The following ZDHHC1 variants were observed in gnomAD, a reference collection of about 807,000 sequenced individuals.
The protein encoded by ZDHHC1 is palmitoyltransferase ZDHHC1.
ZDHHC1 carries 45 observed loss-of-function variants against 46.9 expected under a neutral mutation model. That is an observed-to-expected ratio of 0.96 (90% CI 0.76 to 1.23). ZDHHC1 has a LOEUF of 1.23. ZDHHC1 is among the 50% of genes most tolerant of loss of function. ZDHHC1 has a pLI of 0.00. For missense variants in ZDHHC1, 649 were observed against 670.8 expected (o/e 0.97, Z 0.36); for synonymous variants, 291 against 286.0 (o/e 1.02, Z -0.18).
At chr16:67,410,798 C>G (rs1405867985) in intron 1 of ZDHHC1, among the ~76,000 whole-genome samples, 1 of 151,806 alleles carries the variant, frequency 6.6e-6, no homozygotes, top group African/African-American at 2.4e-5. Flanking sequence ...CCCAAGTAGC[C>G]GGGATTACAG....
Position 67,398,905 on chromosome 16 carries a change from G to T in ZDHHC1, c.570C>A (p.Val190=). Residue 190 remains valine, a synonymous_variant, in exon 6 of 12, where the codon GTC becomes GTA. Transcript: ENST00000565726. The part of the protein sequence containing the change: ...LHSVASALLG[V]LLLVLVATYV... ...ATGTGGCCACCAGCACCAGGAGCAG[G>T]ACGCCCAGTAAAGCGGATGCAACAC... The T allele has an allele frequency of 6.2e-7, 1 of 1,613,496 alleles. No homozygotes were observed. Among genetic ancestry groups the T allele is most frequent in the Non-Finnish European group, 8.5e-7 (1 of 1,179,776 alleles).
In ZDHHC1 at chr16:67,399,377, A is replaced by G. The variant is rs747355210; in HGVS notation, c.508T>C (p.Cys170Arg). ...FDHHCKWLNN[C>R]VGERNYRLFL... ...CACCGGTAGTTCCGCTCGCCCACAC[A>G]GTTGTTGAGCCACTTGCAGTGGTGG... Residue 170 changes from cysteine to arginine, a missense_variant, in exon 5 of 12, where the codon TGT becomes CGT. By Grantham distance (180) the Cys-to-Arg change is radical. Coordinates refer to ENST00000565726, the MANE Select transcript of ZDHHC1 (RefSeq NM_001323627.2). 4 of 1,612,976 alleles carry G rather than the reference A, an allele frequency of 2.5e-6. No individual in the cohort carries two copies. Among genetic ancestry groups the G allele is most frequent in the Non-Finnish European group, 2.5e-6 (3 of 1,179,718 alleles).
chr16:67,394,561 G>A lies in ZDHHC1; in HGVS notation c.*49C>T. 1.8e-6 allele frequency: 2 copies of A among 1,130,952 alleles called. No individual in the cohort carries two copies. The highest frequency in any genetic ancestry group is 2.2e-6 in the Non-Finnish European group (2 of 924,256). The allele number at this position is 1,130,952 out of a possible 1,614,324, so 70.1% of individuals were successfully genotyped here. Reference sequence around the variant, plus strand: ...TGCGGCAAGGATGGGGTGTTGCATAGAGAGTCAGGCCGGCCGCTCTAACTC... The same window carrying A: ...TGCGGCAAGGATGGGGTGTTGCATAAAGAGTCAGGCCGGCCGCTCTAACTC... On this transcript the variant is annotated 3_prime_UTR_variant, in exon 12 of 12. Transcript: ENST00000565726.
At chr16:67,398,798 T>G (rs776668404) in intron 6 of ZDHHC1, 22 bp downstream of exon 6, 2 of 1,612,430 alleles carry the variant, frequency 1.2e-6, no homozygotes, top group Non-Finnish European at 1.7e-6. Context: ...GGGGTGAGAA[T>G]AGGCCCGGAG....
At position 67,395,267 on chromosome 16, in the gene ZDHHC1, G is replaced by A. The variant is rs763144166; in HGVS notation, c.1024C>T (p.Leu342Phe). The A allele has an allele frequency of 6.4e-6, 10 of 1,567,120 alleles. No individual in the cohort carries two copies. Among genetic ancestry groups the A allele is most frequent in the Non-Finnish European group, 6.1e-6 (7 of 1,155,226 alleles). Residue 342 changes from leucine to phenylalanine, a missense_variant, in exon 10 of 12, where the codon CTT becomes TTT. Leu to Phe is a conservative substitution (Grantham distance 22). Transcript: ENST00000565726. ...AAVNANPSQFLATRGQAEPPP... is the reference protein window; with the variant it reads ...AAVNANPSQFFATRGQAEPPP... ...GGTTCCGCTTGGCCACGGGTGGCAAGAAACTGGGAGGGACTGAGGGGGAAG... is the reference window on the plus strand; with the variant it reads ...GGTTCCGCTTGGCCACGGGTGGCAAAAAACTGGGAGGGACTGAGGGGGAAG...
intron 1 of ZDHHC1, among the ~76,000 whole-genome samples, chr16:67,409,008 T>G (rs536936240): frequency 6.6e-6 from 1 of 152,276 alleles, no homozygotes; most frequent in East Asian, 1.9e-4. Flanking sequence ...TGGCTCTCCT[T>G]TTGCCATCCC....
At chr16:67,407,838 C>T in intron 1 of ZDHHC1, 25 bp from the exon 2 acceptor site, 2 of 773,550 alleles carry the variant, frequency 2.6e-6, no homozygotes, top group Non-Finnish European at 2.4e-6. Flanking sequence ...AACGTGGGCA[C>T]AGTAAATGGT....
intron 3 of ZDHHC1, among the ~76,000 whole-genome samples, chr16:67,405,965 G>A (rs1041891227): frequency 1.3e-5 from 2 of 152,156 alleles, no homozygotes; most frequent in African/African-American, 4.8e-5. Flanking sequence ...ATCTTTGTGG[G>A]GCTTCATATG....
chr16:67,405,310 A>G (rs2040633003), intron 3 of ZDHHC1, among the ~76,000 whole-genome samples: 1 of 152,224 alleles, frequency 6.6e-6, no homozygotes, highest in African/African-American at 2.4e-5. Flanking sequence ...AGGAGGAGGC[A>G]AAGACCCACA....
intron 1 of ZDHHC1, among the ~76,000 whole-genome samples, chr16:67,411,826 A>C (rs1269824282): frequency 6.6e-6 from 1 of 152,250 alleles, no homozygotes; most frequent in Non-Finnish European, 1.5e-5. Context: ...AATGAAAACA[A>C]AGGGGGCCGG....
intron 1 of ZDHHC1, among the ~76,000 whole-genome samples, chr16:67,411,740 G>T (rs1436515759): frequency 1.3e-5 from 2 of 152,182 alleles, no homozygotes; most frequent in Non-Finnish European, 2.9e-5. Flanking sequence ...AGAAAAAAAA[G>T]GGATGAAGTA....
At position 67,406,879 on chromosome 16, in the gene ZDHHC1, C is replaced by T. The variant is rs373231277; in HGVS notation, c.10-437G>A. Among the ~76,000 whole-genome samples, 2 of 152,310 alleles carry T rather than the reference C, an allele frequency of 1.3e-5. No individual in the cohort carries two copies. Among genetic ancestry groups the T allele is most frequent in the South Asian group, 2.1e-4 (1 of 4,828 alleles). On this transcript the variant is annotated intron_variant, in intron 2 of 11. Coordinates refer to ENST00000565726, the MANE Select transcript of ZDHHC1 (RefSeq NM_001323627.2). The surrounding 1 kb of genome is among the most constrained non-coding windows in gnomAD (Gnocchi z 4.1). ...TCCAAATGCAAGTGTCAGACACCCC[C>T]GCTATCCTTTGCTCAGGGAAACGGG...
Position 67,401,151 on chromosome 16 carries a change from G to A in ZDHHC1, c.253-19C>T, listed in dbSNP as rs201468195. The A allele has an allele frequency of 1.2e-6, 2 of 1,612,036 alleles. No individual in the cohort carries two copies. The highest frequency in any genetic ancestry group is 1.7e-6 in the Non-Finnish European group (2 of 1,179,400). ...CCATGCACTGGCCCAGCAGGTTAAA[G>A]ACTCACTCCACTCTGCCGGCTGGGA... On this transcript the variant is annotated intron_variant, in intron 3 of 11. Coordinates refer to ENST00000565726, the MANE Select transcript of ZDHHC1 (RefSeq NM_001323627.2). The surrounding 1 kb of genome is among the most constrained non-coding windows in gnomAD (Gnocchi z 4.6).
chr16:67,398,296 G>A lies in ZDHHC1; in HGVS notation c.843C>T (p.Tyr281=), dbSNP rs1288134541. ...LMWHKLTTYE[Y]IVQHRPPQEA... Reference sequence around the variant, plus strand: ...CCTGTGGTGGGCGGTGCTGCACGATGTACTCATAGGTGGTGAGCTTGTGCC... The same window carrying A: ...CCTGTGGTGGGCGGTGCTGCACGATATACTCATAGGTGGTGAGCTTGTGCC... Residue 281 remains tyrosine, a synonymous_variant, in exon 8 of 12, where the codon TAC becomes TAT. Coordinates refer to ENST00000565726, the MANE Select transcript of ZDHHC1 (RefSeq NM_001323627.2). 6 of 1,613,968 alleles carry A rather than the reference G, an allele frequency of 3.7e-6. No individual in the cohort carries two copies. The highest frequency in any genetic ancestry group is 3.3e-5 in the South Asian group (3 of 91,054).
chr16:67,400,965 G>A lies in ZDHHC1; in HGVS notation c.420C>T (p.Asn140=), dbSNP rs34689150. 5,136 of 1,613,792 alleles carry A rather than the reference G, an allele frequency of 3.2e-3. 14 individuals carry two copies. Among genetic ancestry groups the A allele is most frequent in the Non-Finnish European group, 3.9e-3 (4,639 of 1,179,922 alleles). The change falls in exon 4 of 12, where the codon AAC becomes AAT. Residue 140 remains asparagine (N), a synonymous_variant. Transcript: ENST00000565726. ...VIEDLHCNLC[N]VDVSARSKHC... ...CACCCACACACACTCACACATCCAC[G>A]TTGCACAAGTTGCAGTGCAGGTCTT...
Position 67,398,790 on chromosome 16 carries a change from G to A in ZDHHC1, c.655+30C>T, listed in dbSNP as rs573857179. 3.3e-5 allele frequency: 53 copies of A among 1,612,398 alleles called. No individual in the cohort carries two copies. The South Asian group carries it at 4.9e-4, about 15-fold the overall frequency. ...GACGTGACGGGTGACCAGGGTTGGG[G>A]GTGAGAATAGGCCCGGAGCCTAAAC... is the stretch of plus-strand genomic sequence containing the variant. On this transcript the variant is annotated intron_variant, in intron 6 of 11. Coordinates refer to ENST00000565726, the MANE Select transcript of ZDHHC1 (RefSeq NM_001323627.2).
chr16:67,400,128 G>T (rs2040522567), intron 4 of ZDHHC1, among the ~76,000 whole-genome samples: 1 of 152,212 alleles, frequency 6.6e-6, no homozygotes, highest in African/African-American at 2.4e-5. Flanking sequence ...CAGCTGCTCG[G>T]AAAGTGTGCT....
At chr16:67,400,239 T>C (rs990154975) in intron 4 of ZDHHC1, among the ~76,000 whole-genome samples, 1 of 152,234 alleles carries the variant, frequency 6.6e-6, no homozygotes, top group African/African-American at 2.4e-5. Flanking sequence ...TTCAACAGGC[T>C]TCCTGGTGGG....
rs754294350 is a variant in ZDHHC1 at position 67,395,079 on chromosome 16, G to A, written c.1105-17C>T. 2 of 1,613,296 alleles carry A rather than the reference G, an allele frequency of 1.2e-6. No homozygotes were observed. The highest frequency in any genetic ancestry group is 4.5e-5 in the East Asian group (2 of 44,862). ...CCTCTTTTTCTGCAGAGACACGGGGGAGCCTGAGGGCCCCACATCGCCAAA... is the reference window on the plus strand; with the variant it reads ...CCTCTTTTTCTGCAGAGACACGGGGAAGCCTGAGGGCCCCACATCGCCAAA... On this transcript the variant is annotated splice_polypyrimidine_tract_variant and intron_variant, in intron 10 of 11. Transcript: ENST00000565726.
Sources: gnomAD v4.1 joint callset for allele counts (sites outside exome capture counted in the v4.1 genomes callset) on GRCh38, gnomAD v4.1.1 for gene constraint, Gnocchi (gnomAD v3.1) non-coding constraint, MANE v1.5 for transcripts, NCBI Gene and HGNC (gene_info 2026-07-23, HGNC 2026-07-21) for gene names.